The following CSGALNACT1 variants were observed in gnomAD, a reference collection of about 807,000 sequenced individuals.
CSGALNACT1 encodes beta4GalNAcT-1.
Under a neutral mutation model 51.0 loss-of-function variants are expected in CSGALNACT1, and 52 were observed. That is an observed-to-expected ratio of 1.02 (90% CI 0.82 to 1.29). The LOEUF is 1.29. CSGALNACT1 is among the 50% of genes most tolerant of loss of function. The pLI is 0.00. For missense variants in CSGALNACT1, 935 were observed against 679.2 expected (o/e 1.38, Z -4.19); for synonymous variants, 341 against 254.4 (o/e 1.34, Z -3.24).
intron 4 of CSGALNACT1, among the ~76,000 whole-genome samples, chr8:19,473,865 G>T (rs2068773411): frequency 6.6e-6 from 1 of 152,126 alleles, no homozygotes; most frequent in African/African-American, 2.4e-5. Flanking sequence ...ATCAAGAAAA[G>T]AATTATAAGC....
At chr8:19,647,760 T>C (rs898163089) in intron 1 of CSGALNACT1, among the ~76,000 whole-genome samples, 4 of 152,264 alleles carry the variant, frequency 2.6e-5, no homozygotes, top group African/African-American at 7.2e-5. Flanking sequence ...TAGATGCTGA[T>C]ACAAGCTTTG....
chr8:19,629,028 G>C (rs1235593017), intron 1 of CSGALNACT1, among the ~76,000 whole-genome samples: 1 of 152,138 alleles, frequency 6.6e-6, no homozygotes, highest in African/African-American at 2.4e-5. Context: ...TGGAGAGAGG[G>C]AAGGCACATT....
At chr8:19,438,399 C>A (rs1358570740) in intron 6 of CSGALNACT1, among the ~76,000 whole-genome samples, 1 of 152,166 alleles carries the variant, frequency 6.6e-6, no homozygotes, top group South Asian at 2.1e-4. Flanking sequence ...TCATGTTCTT[C>A]GTTTCTAAGC....
chr8:19,493,654 G>A (rs544268444), intron 4 of CSGALNACT1, among the ~76,000 whole-genome samples: 2 of 152,272 alleles, frequency 1.3e-5, no homozygotes, highest in East Asian at 1.9e-4. Flanking sequence ...CATTTATGCT[G>A]CAGCATGTTA....
At chr8:19,576,489 G>A (rs1001816147) in intron 3 of CSGALNACT1, among the ~76,000 whole-genome samples, 6 of 151,560 alleles carry the variant, frequency 4.0e-5, no homozygotes, top group South Asian at 2.1e-4. Context: ...CATTGCACCC[G>A]GCCTATTCCT....
At chr8:19,577,731 G>T (rs1230031293) in intron 3 of CSGALNACT1, among the ~76,000 whole-genome samples, 1 of 152,022 alleles carries the variant, frequency 6.6e-6, no homozygotes, top group Non-Finnish European at 1.5e-5. Flanking sequence ...TTGGGTCCAG[G>T]ACTTGCTGCT....
chr8:19,611,668 T>A (rs1227971002), intron 1 of CSGALNACT1, among the ~76,000 whole-genome samples: 2 of 152,202 alleles, frequency 1.3e-5, no homozygotes, highest in Non-Finnish European at 1.5e-5. Context: ...CTCTTCTTCA[T>A]GAACAGGATC....
intron 2 of CSGALNACT1, among the ~76,000 whole-genome samples, chr8:19,595,598 A>G (rs898169826): frequency 3.9e-5 from 6 of 151,968 alleles, no homozygotes. Flanking sequence ...GGACTTGACT[A>G]TATGATCATA....
chr8:19,486,323 T>G (rs1366255437), intron 4 of CSGALNACT1, among the ~76,000 whole-genome samples: 2 of 152,090 alleles, frequency 1.3e-5, no homozygotes, highest in African/African-American at 4.8e-5. Context: ...CTAATGGTGG[T>G]CTCTGAGCTT....
At chr8:19,603,029 T>G (rs1333592421), upstream of CSGALNACT1, among the ~76,000 whole-genome samples, 1 of 135,404 alleles carries the variant, frequency 7.4e-6, no homozygotes, top group Middle Eastern at 3.8e-3. Flanking sequence ...AACATACAAT[T>G]TGCTATTACT....
intron 1 of CSGALNACT1, among the ~76,000 whole-genome samples, chr8:19,727,062 T>G (rs1372403060): frequency 1.3e-5 from 2 of 152,172 alleles, no homozygotes; most frequent in African/African-American, 4.8e-5. Context: ...AAGCTTGCTA[T>G]TGGTCCAGCC....
At chr8:19,515,005 T>G (rs1023634923) in intron 3 of CSGALNACT1, among the ~76,000 whole-genome samples, 3 of 152,166 alleles carry the variant, frequency 2.0e-5, no homozygotes, top group Non-Finnish European at 4.4e-5. Flanking sequence ...TAGTTGATCT[T>G]CTGACTGCAT....
chr8:19,656,959 A>G (rs924157727), intron 1 of CSGALNACT1, among the ~76,000 whole-genome samples: 5 of 151,680 alleles, frequency 3.3e-5, no homozygotes, highest in Non-Finnish European at 5.9e-5. Context: ...CCAGCTATTC[A>G]GGAGGCTGAG....
intron 4 of CSGALNACT1, among the ~76,000 whole-genome samples, chr8:19,479,463 T>A (rs956531177): frequency 6.6e-6 from 1 of 152,246 alleles, no homozygotes; most frequent in East Asian, 1.9e-4. Flanking sequence ...CAGCTGTGGT[T>A]ATTCTTTTTC....
chr8:19,689,026 G>C (rs1251243674), intron 1 of CSGALNACT1: 2 of 152,186 alleles, frequency 1.3e-5, no homozygotes, highest in Non-Finnish European at 2.9e-5. Flanking sequence ...AGTTTGGCTA[G>C]GGTAAATGTT....
intron 1 of CSGALNACT1, among the ~76,000 whole-genome samples, chr8:19,689,797 A>T (rs1040707985): frequency 1.3e-5 from 2 of 152,206 alleles, no homozygotes; most frequent in African/African-American, 4.8e-5. Flanking sequence ...ATCCCCAAAC[A>T]GCAAGTTTTA....
chr8:19,560,915 C>A (rs2040558783), intron 3 of CSGALNACT1, among the ~76,000 whole-genome samples: 1 of 152,182 alleles, frequency 6.6e-6, no homozygotes, highest in Non-Finnish European at 1.5e-5. Flanking sequence ...GATAAACACA[C>A]TCATATTTTC....
At chr8:19,743,017 T>G (rs1420504241) in intron 1 of CSGALNACT1, among the ~76,000 whole-genome samples, 2 of 152,220 alleles carry the variant, frequency 1.3e-5, no homozygotes, top group Admixed American at 1.3e-4. Context: ...TTTCCCTGTT[T>G]TCATTCAGAG....
intron 3 of CSGALNACT1, among the ~76,000 whole-genome samples, chr8:19,527,801 C>G (rs1460786286): frequency 6.6e-6 from 1 of 151,996 alleles, no homozygotes; most frequent in Non-Finnish European, 1.5e-5. Flanking sequence ...TGAGTGTGGG[C>G]TTAGACAAGT....
Sources: allele counts gnomAD v4.1 joint callset (sites outside exome capture counted in the v4.1 genomes callset), GRCh38; gene constraint gnomAD v4.1.1; transcripts MANE v1.5; gene names NCBI Gene and HGNC (gene_info 2026-07-23, HGNC 2026-07-21).